HMCN2: variants seen among roughly 807,000 people sequenced by gnomAD.
HMCN2 encodes the protein hemicentin-2.
A neutral mutation model predicts 377.5 loss-of-function variants in HMCN2; 325 were observed. The ratio of observed to expected loss-of-function variants is 0.86; its 90% CI spans 0.79 to 0.94. The LOEUF (loss-of-function observed/expected upper bound fraction) is 0.94, where lower values mean the gene tolerates loss of function less well. Ranked by LOEUF, HMCN2 falls within the 40% of genes least tolerant of loss-of-function variation. The pLI is 0.00. For missense variants in HMCN2, 4,543 were observed against 4,725.3 expected, an observed-to-expected ratio of 0.96 and a Z score of 1.13; for synonymous variants, 2,007 against 2,046.8, an observed-to-expected ratio of 0.98 and a Z score of 0.53.
rs1030984388 is a variant in HMCN2, at chr9:130,423,403, G to C, written c.13381+677G>C. Among the ~76,000 whole-genome samples, 11 of 152,228 alleles carry C rather than the reference G, an allele frequency of 7.2e-5. No homozygotes were observed. Among genetic ancestry groups the C allele is most frequent in the African/African-American group, 2.7e-4 (11 of 41,464 alleles). ...CCTTGGCCATGGTCCCGCATGAGCA[G>C]TGTGGGGTCAGGGGATTTTGCTGGG... is the stretch of plus-strand genomic sequence containing the variant. On this transcript the variant is annotated intron_variant, in intron 87 of 97. Coordinates refer to ENST00000683500, the MANE Select transcript of HMCN2 (RefSeq NM_001291815.2). This position sits in a 1 kb window ranked among gnomAD's most constrained non-coding sequence, Gnocchi z 5.5.
chr9:130,346,879 T>C (rs1377597491), intron 25 of HMCN2, among the ~76,000 whole-genome samples: 1 of 152,022 alleles, frequency 6.6e-6, no homozygotes, highest in East Asian at 1.9e-4. Flanking sequence ...ATGAGGGGAC[T>C]GGGGACTTGC....
chr9:130,431,508 G>A (rs1032813094), intron 96 of HMCN2, 22 bp downstream of exon 96: 227 of 1,545,328 alleles, frequency 1.5e-4, no homozygotes, highest in Middle Eastern at 1.7e-4. Flanking sequence ...TCAGGCCGCC[G>A]CCCAAACACC....
intron 59 of HMCN2, 124 bp from the exon 60 acceptor site, chr9:130,385,436 C>T (rs1841969328): frequency 3.7e-6 from 2 of 537,752 alleles, no homozygotes; most frequent in Non-Finnish European, 6.1e-6. Context: ...TGGGTCTGCG[C>T]CAGCCCCCGG....
At chr9:130,365,539 G>A in intron 41 of HMCN2, 92 bp from the exon 42 acceptor site, 1 of 561,710 alleles carries the variant, frequency 1.8e-6, no homozygotes, top group Non-Finnish European at 2.3e-6. Flanking sequence ...GGCTCAGCAA[G>A]GTCACGTGAC....
chr9:130,399,475 CCAG>C (rs1322045185), intron 75 of HMCN2, 33 bp from the exon 76 acceptor site: 6 of 1,251,514 alleles, frequency 4.8e-6, no homozygotes, highest in Non-Finnish European at 6.2e-6. Context: ...CTCTGTCAGC[CCAG>C]CAGCCACTTG....
intron 43 of HMCN2, among the ~76,000 whole-genome samples, chr9:130,367,596 A>G (rs896617803): frequency 3.3e-5 from 5 of 152,066 alleles, no homozygotes; most frequent in African/African-American, 9.7e-5. Context: ...TCGTTCCTTC[A>G]GTAGCCTTTA....
At position 130,328,917 on chromosome 9, in the gene HMCN2, C is replaced by T. The variant is rs975915123; in HGVS notation, c.3359+1442C>T. ...TGTTCACAAACTGAGACATCCTCTC[C>T]AGCTTTTACACATTTATCCTCCTCC... On this transcript the variant is annotated intron_variant, in intron 22 of 97. Transcript: ENST00000683500. Among the ~76,000 whole-genome samples the T allele has an allele frequency of 1.9e-3, 296 of 152,322 alleles. 3 individuals carry two copies. Among genetic ancestry groups the T allele is most frequent in the African/African-American group, 6.7e-3 (278 of 41,572 alleles).
At chr9:130,302,832 T>C (rs985109776) in intron 8 of HMCN2, 25 bp from the exon 9 acceptor site, 4 of 441,632 alleles carry the variant, frequency 9.1e-6, no homozygotes, top group South Asian at 3.3e-5. Flanking sequence ...GGGGAGACAT[T>C]CTGAGTCCTG....
intron 1 of HMCN2, among the ~76,000 whole-genome samples, chr9:130,279,606 G>A (rs1407255269): frequency 6.6e-6 from 1 of 152,186 alleles, no homozygotes; most frequent in Admixed American, 6.5e-5. Context: ...GCCTGCCTGG[G>A]CCTCCCAGAG....
At chr9:130,316,540 A>G (rs1299532968) in intron 15 of HMCN2, among the ~76,000 whole-genome samples, 4 of 151,968 alleles carry the variant, frequency 2.6e-5, no homozygotes, top group African/African-American at 9.7e-5. Context: ...CGGGTGTTCT[A>G]GGCTCCCCCA....
chr9:130,393,366 G>A lies in HMCN2; in HGVS notation c.10234+57G>A. 1.0e-6 allele frequency: 1 copy of A among 974,482 alleles called. No homozygotes were observed. The highest frequency in any genetic ancestry group is 1.8e-5 in the African/African-American group (1 of 57,100). 60.4% of individuals were successfully genotyped at this position (974,482 alleles called of 1,614,324 possible). Reference sequence around the variant, plus strand: ...CTGGCCTTGGTGGGTGAGAATCAAGGCCCTTGGCCCCCCTGCCCTTCTGGG... The same window carrying A: ...CTGGCCTTGGTGGGTGAGAATCAAGACCCTTGGCCCCCCTGCCCTTCTGGG... On this transcript the variant is annotated intron_variant, in intron 67 of 97. Transcript: ENST00000683500. This position sits in a 1 kb window ranked among gnomAD's most constrained non-coding sequence, Gnocchi z 5.2.
At position 130,299,268 on chromosome 9, in the gene HMCN2, C is replaced by A. The variant is rs1351497076; in HGVS notation, c.1256C>A (p.Ser419Tyr). The A allele has an allele frequency of 3.9e-5, 18 of 467,254 alleles. No individual in the cohort carries two copies. Among genetic ancestry groups the A allele is most frequent in the South Asian group, 2.8e-4 (18 of 64,302 alleles). 28.9% of individuals were successfully genotyped at this position (467,254 alleles called of 1,614,324 possible). Residue 419 changes from serine (S) to tyrosine (Y), a missense_variant, in exon 8 of 98, where the codon TCC (serine) becomes TAC (tyrosine). Around this residue, in one of 5 missense-constraint regions of HMCN2, gnomAD observed 547 missense variants for 189.9 expected, o/e 2.88. Transcript: ENST00000683500. Reference sequence around the variant, plus strand: ...CCCCTCCTTCGTGTCTCTGGAGTGTCCTACAGTGGGGTGGCCCCAGGTGAG... The same window carrying A: ...CCCCTCCTTCGTGTCTCTGGAGTGTACTACAGTGGGGTGGCCCCAGGTGAG... ...GNPLLRVSGVSYSGVAPGAPL... is the reference protein window; with the variant it reads ...GNPLLRVSGVYYSGVAPGAPL...
At chr9:130,383,136 C>G (rs572658559) in intron 56 of HMCN2, among the ~76,000 whole-genome samples, 1 of 152,330 alleles carries the variant, frequency 6.6e-6, no homozygotes, top group African/African-American at 2.4e-5. Flanking sequence ...TCCGCGGGAT[C>G]ACCAGCTGGC....
At chr9:130,349,684 G>T in intron 29 of HMCN2, 21 bp downstream of exon 29, 1 of 1,299,076 alleles carries the variant, frequency 7.7e-7, no homozygotes, top group Non-Finnish European at 1.0e-6. Context: ...CCCTCCCCGA[G>T]GATGGCGTGT....
chr9:130,278,313 A>G (rs1834909568), intron 1 of HMCN2, among the ~76,000 whole-genome samples: 1 of 151,586 alleles, frequency 6.6e-6, no homozygotes, highest in South Asian at 2.1e-4. Context: ...TTTAGTAGAG[A>G]CGGGGTTTCA....
In HMCN2 at chr9:130,351,281, C is replaced by A; in HGVS notation, c.4431-142C>A. 1 of 433,152 alleles carries A rather than the reference C, an allele frequency of 2.3e-6. No individual in the cohort carries two copies. Among genetic ancestry groups the A allele is most frequent in the Non-Finnish European group, 3.7e-6 (1 of 269,070 alleles). 26.8% of individuals were successfully genotyped at this position (433,152 alleles called of 1,614,324 possible). A position where few individuals can be genotyped will look rare whatever the true frequency, so the allele number is the denominator to read the frequency against. ...ACGTTGTTGATCCATTCCTCGCTTA[C>A]TGGGCCTTTGCATTGCTCCCACCTC... On this transcript the variant is annotated intron_variant, in intron 29 of 97. Transcript: ENST00000683500. This position sits in a 1 kb window ranked among gnomAD's most constrained non-coding sequence, Gnocchi z 5.4.
intron 23 of HMCN2, among the ~76,000 whole-genome samples, chr9:130,339,433 G>C (rs942899588): frequency 1.3e-5 from 2 of 152,204 alleles, no homozygotes; most frequent in African/African-American, 4.8e-5. Flanking sequence ...GCCCAGAGTG[G>C]GAAGGGGCTC....
intron 40 of HMCN2, among the ~76,000 whole-genome samples, chr9:130,363,728 C>T (rs1167488333): frequency 1.3e-5 from 2 of 150,432 alleles, no homozygotes; most frequent in African/African-American, 4.9e-5. Context: ...AAGGCTGAAG[C>T]AGGAGAATCA....
At chr9:130,270,363 G>T in intron 1 of HMCN2, among the ~76,000 whole-genome samples, 1 of 139,578 alleles carries the variant, frequency 7.2e-6, no homozygotes, top group Non-Finnish European at 1.6e-5. Flanking sequence ...TGTGTGTTTT[G>T]TTTTATTTTC....
Sources: gnomAD v4.1 joint callset for allele counts (sites outside exome capture counted in the v4.1 genomes callset) on GRCh38, gnomAD v4.1.1 for gene constraint, gnomAD v4.1.1 regional missense constraint, Gnocchi (gnomAD v3.1) non-coding constraint, MANE v1.5 for transcripts, NCBI Gene and HGNC (gene_info 2026-07-23, HGNC 2026-07-21) for gene names.